Variants in HAO2 observed in about 807,000 individuals in gnomAD.
The protein encoded by HAO2 is hydroxyacid oxidase 2, also known as 2-Hydroxyacid oxidase 2.
A neutral mutation model predicts 37.4 loss-of-function variants in HAO2; 42 were observed. That is an observed-to-expected ratio of 1.12 (90% confidence interval 0.88 to 1.45). The LOEUF (loss-of-function observed/expected upper bound fraction) is 1.45, where lower values mean the gene tolerates loss of function less well. Among genes scored for constraint, HAO2 ranks in the 40% most tolerant of loss-of-function variants. HAO2 has a pLI of 0.00. For missense variants in HAO2, 476 were observed against 430.2 expected (o/e 1.11, Z -0.94); for synonymous variants, 180 against 162.8 (o/e 1.11, Z -0.81).
At position 119,385,773 on chromosome 1, in the gene HAO2, G is replaced by T. The variant is rs146204314; in HGVS notation, c.561+720G>T. Reference sequence around the variant, plus strand: ...AACCAGTGGGCAACTGTGACACCAAGCCAAGTAACTCAACAGTTCTCATTA... The same window carrying T: ...AACCAGTGGGCAACTGTGACACCAATCCAAGTAACTCAACAGTTCTCATTA... On this transcript the variant is annotated intron_variant, in intron 4 of 7. Coordinates refer to ENST00000325945, the MANE Select transcript of HAO2 (RefSeq NM_016527.4). The T allele has an allele frequency of 1.2e-5, 12 of 985,326 alleles. No individual in the cohort carries two copies. The African/African-American group carries it at 1.9e-4, about 16-fold the overall frequency. 61.0% of individuals were successfully genotyped at this position (985,326 alleles called of 1,614,324 possible).
rs1052981126 is a variant in HAO2, at chr1:119,385,123, C to T, written c.561+70C>T. Reference sequence around the variant, plus strand: ...AATTTCCTTCCCTCTTTTCTCCTTTCCTCCATTCTTTCTTTCCACAGGCAT... The same window carrying T: ...AATTTCCTTCCCTCTTTTCTCCTTTTCTCCATTCTTTCTTTCCACAGGCAT... On this transcript the variant is annotated intron_variant, in intron 4 of 7. Coordinates refer to ENST00000325945, the MANE Select transcript of HAO2 (RefSeq NM_016527.4). 9 of 1,546,122 alleles carry T rather than the reference C, an allele frequency of 5.8e-6. No homozygotes were observed. The African/African-American group carries it at 6.8e-5, about 12-fold the overall frequency.
At chr1:119,387,454 T>G (rs1460874746) in intron 5 of HAO2, among the ~76,000 whole-genome samples, 2 of 152,168 alleles carry the variant, frequency 1.3e-5, no homozygotes, top group Non-Finnish European at 2.9e-5. Flanking sequence ...GAAATGAGGT[T>G]TTTTCCTCTT....
At chr1:119,391,656 A>G (rs1235399038) in intron 5 of HAO2, among the ~76,000 whole-genome samples, 1 of 152,190 alleles carries the variant, frequency 6.6e-6, no homozygotes, top group Non-Finnish European at 1.5e-5. Flanking sequence ...TGCAATCCAG[A>G]CATGCAGGCC....
intron 1 of HAO2, among the ~76,000 whole-genome samples, chr1:119,372,023 T>C (rs1195491669): frequency 6.6e-6 from 1 of 152,152 alleles, no homozygotes; most frequent in Admixed American, 6.5e-5. Flanking sequence ...AAACTCTACT[T>C]GGAGGGCATT....
chr1:119,382,678 T>C (rs587616715), intron 2 of HAO2, among the ~76,000 whole-genome samples: 1 of 152,200 alleles, frequency 6.6e-6, no homozygotes, highest in South Asian at 2.1e-4. Flanking sequence ...ATGCACAAAG[T>C]GGTTCAGAGA....
intron 1 of HAO2, among the ~76,000 whole-genome samples, chr1:119,370,738 A>G (rs1438678708): frequency 6.6e-6 from 1 of 152,122 alleles, no homozygotes; most frequent in African/African-American, 2.4e-5. Flanking sequence ...GTGGAAAGCA[A>G]TGGCCTTCAG....
chr1:119,393,140 G>T (rs950743046), intron 7 of HAO2, among the ~76,000 whole-genome samples: 21 of 152,030 alleles, frequency 1.4e-4, no homozygotes, highest in African/African-American at 5.1e-4. Flanking sequence ...TAAACGTTAC[G>T]CAGCCTGTTA....
Position 119,386,839 on chromosome 1 carries a change from G to A in HAO2, c.771+8G>A, listed in dbSNP as rs1362089679. ...GATGAGGTTCTTGCTTCAGTAAGTA[G>A]GATTACTTCAGAGAAGGGTGTGTTT... On this transcript the variant is annotated splice_region_variant and intron_variant, in intron 5 of 7. Transcript: ENST00000325945. 2 of 1,565,826 alleles carry A rather than the reference G, an allele frequency of 1.3e-6. No individual in the cohort carries two copies. Among genetic ancestry groups the A allele is most frequent in the Non-Finnish European group, 1.8e-6 (2 of 1,136,144 alleles).
intron 1 of HAO2, chr1:119,380,489 C>T: frequency 2.0e-6 from 1 of 499,852 alleles, no homozygotes; most frequent in Non-Finnish European, 3.6e-6. Flanking sequence ...CCTTTCCCCA[C>T]TCTGTAATCC....
rs1209191803 is a variant in HAO2 at position 119,384,719 on chromosome 1, T to C, written c.284-57T>C. 2.0e-6 allele frequency: 3 copies of C among 1,491,146 alleles called. No homozygotes were observed. In the East Asian group the frequency reaches 6.8e-5, roughly 34 times the overall value. 92.4% of individuals were successfully genotyped at this position (1,491,146 alleles called of 1,614,324 possible). A position where few individuals can be genotyped will look rare whatever the true frequency, so the allele number is the denominator to read the frequency against. ...GAGGCTACACAGACTCCCAAGGTTT[T>C]CAGCCCAGTCCAGAGGCCTCTGCCC... On this transcript the variant is annotated intron_variant, in intron 3 of 7. Coordinates refer to ENST00000325945, the MANE Select transcript of HAO2 (RefSeq NM_016527.4).
intron 5 of HAO2, among the ~76,000 whole-genome samples, chr1:119,388,067 C>T (rs954498929): frequency 6.6e-6 from 1 of 152,166 alleles, no homozygotes; most frequent in African/African-American, 2.4e-5. Context: ...GTTGGGTCTC[C>T]TGCTTTTCAT....
intron 2 of HAO2, 71 bp downstream of exon 2, chr1:119,381,287 G>A (rs1649918665): frequency 3.7e-6 from 4 of 1,092,342 alleles, no homozygotes; most frequent in Non-Finnish European, 4.2e-6. Context: ...GACAGTAGTA[G>A]TCCTGGTTTC....
chr1:119,372,681 T>C (rs1176174344), intron 1 of HAO2, among the ~76,000 whole-genome samples: 1 of 152,184 alleles, frequency 6.6e-6, no homozygotes, highest in Non-Finnish European at 1.5e-5. Context: ...ACTGGTCAAG[T>C]AGTTATCCAC....
Position 119,385,017 on chromosome 1 carries a change from G to T in HAO2, c.525G>T (p.Arg175Ser). The change falls in exon 4 of 8, where the codon AGG (arginine) becomes AGT (serine). Residue 175 changes from arginine to serine, a missense_variant. Arg to Ser is a moderately radical substitution (Grantham distance 110). Coordinates refer to ENST00000325945, the MANE Select transcript of HAO2 (RefSeq NM_016527.4). ...ATGACATTCGAAACCAGTTGAGGAG[G>T]AACTTAACACTAACAGATCTTCAAT... ...RRHDIRNQLR[R>S]NLTLTDLQSP... 6.2e-7 allele frequency: 1 copy of T among 1,613,740 alleles called. No individual in the cohort carries two copies. Among genetic ancestry groups the T allele is most frequent in the South Asian group, 1.1e-5 (1 of 91,056 alleles).
intron 1 of HAO2, among the ~76,000 whole-genome samples, chr1:119,373,757 C>T (rs1649219988): frequency 1.3e-5 from 2 of 152,092 alleles, no homozygotes; most frequent in Admixed American, 6.6e-5. Context: ...TCATACTCCT[C>T]ATGGTAGAAC....
At chr1:119,392,553 C>T in intron 6 of HAO2, 65 bp from the exon 7 acceptor site, 1 of 1,015,282 alleles carries the variant, frequency 9.8e-7, no homozygotes, top group African/African-American at 1.6e-5. Flanking sequence ...AGAATTTATA[C>T]TAGTGGATGG....
intron 1 of HAO2, among the ~76,000 whole-genome samples, chr1:119,374,046 A>G (rs906263361): frequency 2.0e-5 from 3 of 152,144 alleles, no homozygotes; most frequent in African/African-American, 7.2e-5. Flanking sequence ...TCACTCCCAT[A>G]CAAATGCCAT....
rs373334183 is a variant in HAO2 at position 119,382,932 on chromosome 1, G to A, written c.149G>A (p.Arg50Gln). ...CGGCACAGAATTCGCCTCCGTCCGC[G>A]GTACCTGAGAGATGTGTCTGAGGTG... Reference protein sequence around the residue: ...AAFKRIRLRPRYLRDVSEVDT... With the variant: ...AAFKRIRLRPQYLRDVSEVDT... Residue 50 changes from arginine (R) to glutamine (Q), a missense_variant, in exon 3 of 8, where the codon CGG (arginine) becomes CAG (glutamine). Arg to Gln is a conservative substitution (Grantham distance 43, BLOSUM62 1). Transcript: ENST00000325945. 124 of 1,613,658 alleles carry A rather than the reference G, an allele frequency of 7.7e-5. No homozygotes were observed. Among genetic ancestry groups the A allele is most frequent in the South Asian group, 5.6e-4 (51 of 91,038 alleles).
At chr1:119,372,245 A>G (rs1234845189) in intron 1 of HAO2, among the ~76,000 whole-genome samples, 1 of 152,246 alleles carries the variant, frequency 6.6e-6, no homozygotes, top group African/African-American at 2.4e-5. Context: ...CATTTTTAAA[A>G]ATTTCTTGTA....
Sources: allele counts gnomAD v4.1 joint callset (sites outside exome capture counted in the v4.1 genomes callset), GRCh38; gene constraint gnomAD v4.1.1; transcripts MANE v1.5; gene names NCBI Gene and HGNC (gene_info 2026-07-23, HGNC 2026-07-21).